GLB1: variants seen among roughly 807,000 people sequenced by gnomAD.
GLB1 encodes galactosidase beta 1.
GLB1 carries 56 observed loss-of-function variants against 74.0 expected under a neutral mutation model. The observed-to-expected ratio is 0.76, with a 90% CI of 0.61 to 0.94. The LOEUF is 0.94. GLB1 is among the 40% of genes least tolerant of loss of function. The pLI is 0.00. For synonymous variants in GLB1, 323 were observed against 323.6 expected (o/e 1.00, Z 0.02); for missense variants, 787 against 845.5 (o/e 0.93, Z 0.86).
chr3:33,038,894 C>T (rs1450077809), intron 10 of GLB1, among the ~76,000 whole-genome samples: 1 of 152,126 alleles, frequency 6.6e-6, no homozygotes, highest in African/African-American at 2.4e-5. Context: ...GAAGAAAAAA[C>T]ATATATAACC....
chr3:33,067,560 T>A (rs1699736077), intron 4 of GLB1, among the ~76,000 whole-genome samples: 1 of 152,144 alleles, frequency 6.6e-6, no homozygotes, highest in Admixed American at 6.5e-5. Context: ...AGATTACAAG[T>A]GTGAGTCACC....
intron 12 of GLB1, chr3:33,021,314 A>G (rs773252253): frequency 1.8e-6 from 1 of 545,174 alleles, no homozygotes; most frequent in African/African-American, 1.9e-5. Flanking sequence ...CTTGTACAGA[A>G]TTATGTTGAA....
the GLB1 span, among the ~76,000 whole-genome samples, chr3:32,984,110 T>C: frequency 3.3e-5 from 5 of 152,212 alleles, no homozygotes; most frequent in African/African-American, 1.2e-4. Context: ...AATGCTCTAA[T>C]TAATCACCTT....
chr3:33,039,885 G>T (rs1698432427), intron 10 of GLB1, among the ~76,000 whole-genome samples: 1 of 152,148 alleles, frequency 6.6e-6, no homozygotes, highest in Non-Finnish European at 1.5e-5. Context: ...GAGAAAAAAA[G>T]ACCTATACCA....
intron 15 of GLB1, among the ~76,000 whole-genome samples, chr3:33,003,496 C>T (rs1696660774): frequency 6.6e-6 from 1 of 152,182 alleles, no homozygotes; most frequent in African/African-American, 2.4e-5. Flanking sequence ...GCTAAATTAA[C>T]ATAATATTTG....
At chr3:32,998,252 A>C (rs1696396504) in intron 15 of GLB1, among the ~76,000 whole-genome samples, 1 of 152,268 alleles carries the variant, frequency 6.6e-6, no homozygotes, top group East Asian at 1.9e-4. Context: ...TCATGCCTGT[A>C]ATCCCAGAAC....
intron 1 of GLB1, chr3:33,091,312 C>G: frequency 1.0e-6 from 1 of 985,456 alleles, no homozygotes; most frequent in Non-Finnish European, 1.2e-6. Flanking sequence ...CCCCAGAACC[C>G]CACTATACAC....
chr3:33,094,370 A>C, intron 1 of GLB1: 1 of 1,373,052 alleles, frequency 7.3e-7, no homozygotes, highest in Non-Finnish European at 9.4e-7. Flanking sequence ...TCAAAACTCA[A>C]AGGCCACTTA....
intron 1 of GLB1, chr3:33,090,583 G>C: frequency 1.0e-6 from 1 of 985,406 alleles, no homozygotes; most frequent in Non-Finnish European, 1.2e-6. Flanking sequence ...CAAGCTTCAA[G>C]TAACGTTTCT....
chr3:32,995,183 A>C (rs997892478), downstream of GLB1, among the ~76,000 whole-genome samples: 1 of 152,098 alleles, frequency 6.6e-6, no homozygotes, highest in Non-Finnish European at 1.5e-5. Flanking sequence ...ATATAAGGCA[A>C]GTGTACACGC....
chr3:33,087,694 T>A (rs971251909), intron 1 of GLB1, among the ~76,000 whole-genome samples: 2 of 150,928 alleles, frequency 1.3e-5, no homozygotes, highest in African/African-American at 4.9e-5. Context: ...TAAAGAAGAA[T>A]TAATACCAAT....
intron 11 of GLB1, among the ~76,000 whole-genome samples, chr3:33,022,563 G>GTTTTTTTTTTTTTTTT (rs1380045437): frequency 2.4e-3 from 36 of 15,294 alleles, no homozygotes; most frequent in South Asian, 6.0e-3. Flanking sequence ...TACTGGTTAG[G>GTTTTTTTTTTTTTTTT]ATTTTTTTTT....
At chr3:33,090,905 A>G (rs1268720243) in intron 1 of GLB1, 1 of 985,356 alleles carries the variant, frequency 1.0e-6, no homozygotes, top group African/African-American at 1.7e-5. Context: ...AAGAGAAAGA[A>G]AAGAGGTAAG....
chr3:33,051,462 G>C (rs950091183), intron 9 of GLB1, among the ~76,000 whole-genome samples: 3 of 151,154 alleles, frequency 2.0e-5, no homozygotes, highest in Non-Finnish European at 4.4e-5. Context: ...GCCAGGCATG[G>C]TGGTGCATGC....
rs768807428 is a variant in GLB1 at position 33,097,096 on chromosome 3, C to T, written c.-11G>A. Reference sequence around the variant, plus strand: ...CAGGAACCCCGGCATGACCACCAGCCTCCCGGCTCTGCAGTCGGCGCCCAG... The same window carrying T: ...CAGGAACCCCGGCATGACCACCAGCTTCCCGGCTCTGCAGTCGGCGCCCAG... On this transcript the variant is annotated 5_prime_UTR_variant, in exon 1 of 16. Transcript: ENST00000307363. The T allele has an allele frequency of 1.1e-5, 17 of 1,612,112 alleles. No homozygotes were observed. The highest frequency in any genetic ancestry group is 1.0e-4 in the Admixed American group (6 of 59,834).
At chr3:33,092,116 G>A in intron 1 of GLB1, 2 of 985,518 alleles carry the variant, frequency 2.0e-6, no homozygotes, top group Non-Finnish European at 1.2e-6. Flanking sequence ...TTCCTAAGCA[G>A]CCATGTTCTC....
intron 1 of GLB1, among the ~76,000 whole-genome samples, chr3:33,078,389 T>C (rs1700203415): frequency 6.6e-6 from 1 of 152,236 alleles, no homozygotes; most frequent in African/African-American, 2.4e-5. Context: ...ATTGGGCATA[T>C]TTTTTGTGCT....
intron 1 of GLB1, among the ~76,000 whole-genome samples, chr3:33,080,622 T>G (rs919786910): frequency 3.9e-5 from 6 of 152,180 alleles, no homozygotes; most frequent in African/African-American, 9.7e-5. Context: ...CATTCTCTTG[T>G]TTTTTAGGCA....
At position 33,092,430 on chromosome 3, in the gene GLB1, A is replaced by G. The variant is rs190393798; in HGVS notation, c.75+4581T>C. 5 of 1,000,476 alleles carry G rather than the reference A, an allele frequency of 5.0e-6. No homozygotes were observed. In the East Asian group the frequency reaches 5.3e-4, roughly 105 times the overall value. The allele number at this position is 1,000,476 out of a possible 1,614,324, so 62.0% of individuals were successfully genotyped here. A position where few individuals can be genotyped will look rare whatever the true frequency, so the allele number is the denominator to read the frequency against. ...TCTGGAAACCACTTAAGTCCTAAAG[A>G]CAATTTTAAAACACCAGGAGAAAAA... On this transcript the variant is annotated intron_variant, in intron 1 of 15. Transcript: ENST00000307363.
Sources: gnomAD v4.1 joint callset for allele counts (sites outside exome capture counted in the v4.1 genomes callset) on GRCh38, gnomAD v4.1.1 for gene constraint, MANE v1.5 for transcripts, NCBI Gene and HGNC (gene_info 2026-07-23, HGNC 2026-07-21) for gene names.